Variants in STXBP6 observed in about 807,000 individuals in gnomAD.
The protein encoded by STXBP6 is syntaxin-binding protein 6.
STXBP6 carries 21 observed loss-of-function variants against 26.9 expected under a neutral mutation model. The ratio of observed to expected loss-of-function variants is 0.78; its 90% CI spans 0.55 to 1.12. The LOEUF is 1.12. STXBP6 is among the 50% of genes most tolerant of loss of function. The pLI is 0.00. For synonymous variants in STXBP6, 97 were observed against 92.6 expected (o/e 1.05, Z -0.27); for missense variants, 232 against 257.9 (o/e 0.90, Z 0.69).
intron 1 of STXBP6, among the ~76,000 whole-genome samples, chr14:25,033,160 T>C (rs1015293473): frequency 1.3e-5 from 2 of 152,230 alleles, no homozygotes; most frequent in Non-Finnish European, 2.9e-5. Flanking sequence ...GTCCATGCAA[T>C]GACACCACCA....
chr14:24,815,726 A>G (rs963058069), intron 5 of STXBP6: 3 of 152,092 alleles, frequency 2.0e-5, no homozygotes. Context: ...CTCACTGACT[A>G]TGGCGGGGCC....
intron 4 of STXBP6, among the ~76,000 whole-genome samples, chr14:24,823,181 A>G (rs1216407957): frequency 6.6e-6 from 1 of 152,224 alleles, no homozygotes; most frequent in Non-Finnish European, 1.5e-5. Flanking sequence ...CTTTTAAAAA[A>G]ATATATACGC....
chr14:24,842,286 G>C (rs1490300754), intron 4 of STXBP6, among the ~76,000 whole-genome samples: 1 of 152,182 alleles, frequency 6.6e-6, no homozygotes, highest in Non-Finnish European at 1.5e-5. Context: ...TTGGTACCAA[G>C]CAGCAAATCT....
At chr14:24,927,283 G>C (rs2072212549) in intron 2 of STXBP6, among the ~76,000 whole-genome samples, 1 of 152,130 alleles carries the variant, frequency 6.6e-6, no homozygotes, top group South Asian at 2.1e-4. Flanking sequence ...TCTCCAGAGG[G>C]TCCTTCTGCA....
chr14:24,906,713 G>A (rs1032749281), intron 2 of STXBP6, among the ~76,000 whole-genome samples: 25 of 152,092 alleles, frequency 1.6e-4, no homozygotes, highest in African/African-American at 5.8e-4. Context: ...CTCACTACCG[G>A]CAATATTGCT....
At chr14:24,994,822 AAC>A (rs1008643175) in intron 1 of STXBP6, 97 of 152,064 alleles carry the variant, frequency 6.4e-4, no homozygotes, top group African/African-American at 2.2e-3. Context: ...CATCCTGAGC[AAC>A]AGAGTAAAAC....
chr14:24,927,922 T>G (rs572906204), intron 2 of STXBP6, among the ~76,000 whole-genome samples: 2 of 152,276 alleles, frequency 1.3e-5, no homozygotes, highest in African/African-American at 4.8e-5. Context: ...TAATTCTCAT[T>G]AATCTTAGTT....
intron 1 of STXBP6, among the ~76,000 whole-genome samples, chr14:24,982,647 A>G (rs11851504): frequency 0.11 from 17,392 of 152,242 alleles, 1,080 homozygotes; most frequent in African/African-American, 0.14. Context: ...TGTAAAAGAC[A>G]TTATGTTCAC....
chr14:24,998,710 A>G (rs765421578), intron 1 of STXBP6, among the ~76,000 whole-genome samples: 13 of 152,326 alleles, frequency 8.5e-5, no homozygotes, highest in Middle Eastern at 6.8e-3. Flanking sequence ...CTGAAGATGT[A>G]AGTGTTACTA....
At chr14:25,015,281 T>C (rs1004525250) in intron 1 of STXBP6, among the ~76,000 whole-genome samples, 1 of 152,164 alleles carries the variant, frequency 6.6e-6, no homozygotes, top group Non-Finnish European at 1.5e-5. Context: ...TTCTAAAACC[T>C]CAGTTTCAGT....
chr14:25,044,919 C>T (rs1002658020), intron 1 of STXBP6, among the ~76,000 whole-genome samples: 1 of 152,220 alleles, frequency 6.6e-6, no homozygotes, highest in Non-Finnish European at 1.5e-5. Flanking sequence ...GTGCTACCCA[C>T]CATTTATATT....
At chr14:24,843,892 G>C (rs1342544700) in intron 4 of STXBP6, among the ~76,000 whole-genome samples, 1 of 152,156 alleles carries the variant, frequency 6.6e-6, no homozygotes, top group Non-Finnish European at 1.5e-5. Flanking sequence ...AGTATCTTTT[G>C]TTATTTGTAA....
At chr14:24,968,831 A>G (rs1194122216) in intron 2 of STXBP6, among the ~76,000 whole-genome samples, 1 of 152,212 alleles carries the variant, frequency 6.6e-6, no homozygotes, top group Non-Finnish European at 1.5e-5. Flanking sequence ...AAAATATATC[A>G]TTATGTCAGA....
At chr14:24,814,238 T>C (rs990282441) in intron 5 of STXBP6, among the ~76,000 whole-genome samples, 1 of 152,174 alleles carries the variant, frequency 6.6e-6, no homozygotes, top group Non-Finnish European at 1.5e-5. Context: ...TCCAGGTTGG[T>C]GCAAATGGCA....
At chr14:24,998,313 A>G (rs2074659855) in intron 1 of STXBP6, among the ~76,000 whole-genome samples, 2 of 152,216 alleles carry the variant, frequency 1.3e-5, no homozygotes, top group Admixed American at 1.3e-4. Context: ...TAAGCAAAAA[A>G]GTAATTTTTT....
rs1371593165 is a variant in STXBP6 at position 24,809,784 on chromosome 14, A to G, written c.*2925T>C. 6.6e-6 allele frequency: 1 copy of G among 152,264 alleles called. No individual in the cohort carries two copies. The highest frequency in any genetic ancestry group is 1.5e-5 in the Non-Finnish European group (1 of 68,044). The allele number at this position is 152,264 out of a possible 1,614,324, so 9.4% of individuals were successfully genotyped here. A position where few individuals can be genotyped will look rare whatever the true frequency, so the allele number is the denominator to read the frequency against. On this transcript the variant is annotated 3_prime_UTR_variant, in exon 6 of 6. Coordinates refer to ENST00000323944, the MANE Select transcript of STXBP6 (RefSeq NM_001394410.1). ...TGACATCTCAGAGAACTTCTGAAGAATAACTGTATGACAGACATCAGTAGT... is the reference window on the plus strand; with the variant it reads ...TGACATCTCAGAGAACTTCTGAAGAGTAACTGTATGACAGACATCAGTAGT...
At chr14:24,835,532 A>C (rs1244419622) in intron 4 of STXBP6, among the ~76,000 whole-genome samples, 1 of 152,242 alleles carries the variant, frequency 6.6e-6, no homozygotes, top group Non-Finnish European at 1.5e-5. Context: ...TATGTAATGA[A>C]TAAAATTAGC....
chr14:25,003,454 AT>A (rs1267342732), intron 1 of STXBP6, among the ~76,000 whole-genome samples: 2 of 152,192 alleles, frequency 1.3e-5, no homozygotes, highest in Non-Finnish European at 2.9e-5. Context: ...AACAAGTCAA[AT>A]TATGGGTGTG....
chr14:24,886,042 T>C (rs2070571863), intron 2 of STXBP6, among the ~76,000 whole-genome samples: 1 of 152,220 alleles, frequency 6.6e-6, no homozygotes, highest in Non-Finnish European at 1.5e-5. Context: ...TTGCCTGGTC[T>C]CCTTACGCAG....
Sources: allele counts gnomAD v4.1 joint callset (sites outside exome capture counted in the v4.1 genomes callset), GRCh38; gene constraint gnomAD v4.1.1; transcripts MANE v1.5; gene names NCBI Gene and HGNC (gene_info 2026-07-23, HGNC 2026-07-21).